SYP: variants seen among roughly 807,000 people sequenced by gnomAD.
SYP encodes the protein synaptophysin, also known as major synaptic vesicle protein P38.
SYP carries 2 observed loss-of-function variants against 24.3 expected under a neutral mutation model. The observed-to-expected ratio is 0.08, with a 90% CI of 0.03 to 0.26. SYP has a LOEUF of 0.26. SYP is among the 10% of genes least tolerant of loss of function. The probability of loss-of-function intolerance (pLI) is 1.00; values close to 1 mark genes in which losing one functional copy is unlikely to be tolerated. For missense variants in SYP, 216 were observed against 266.3 expected, an observed-to-expected ratio of 0.81 and a Z score of 1.32; for synonymous variants, 143 against 123.2, an observed-to-expected ratio of 1.16 and a Z score of -1.07.
Position 49,191,659 on chromosome X carries a change from G to T in SYP, c.720C>A (p.Pro240=). 1 of 1,205,157 alleles carries T rather than the reference G, an allele frequency of 8.3e-7. No individual in the cohort carries two copies. Among genetic ancestry groups the T allele is most frequent in the Non-Finnish European group, 1.1e-6 (1 of 892,018 alleles). ...APFLRAPPGA[P]EKQPAPGDAY... ...CGTCCCCGGGTGCCGGTTGTTTCTC[G>T]GGGGCGCCGGGAGGCGCGCGCAGGA... Residue 240 remains proline (P), a synonymous_variant, in exon 6 of 7, where the codon CCC becomes CCA. Transcript: ENST00000263233.
chrX:49,198,178 C>G, intron 2 of SYP: 3 of 284,885 alleles, frequency 1.1e-5, no homozygotes, highest in Non-Finnish European at 1.9e-5. Flanking sequence ...TCTCAGATGT[C>G]TCTTTGTCTC....
chrX:49,195,503 G>A (rs1453311752), intron 3 of SYP, among the ~76,000 whole-genome samples: 1 of 110,615 alleles, frequency 9.0e-6, no homozygotes, highest in African/African-American at 3.3e-5. Flanking sequence ...AGAGGCCAGC[G>A]ACTAGATAAC....
chrX:49,190,328 C>A (rs956692994), intron 6 of SYP, among the ~76,000 whole-genome samples: 4 of 109,184 alleles, frequency 3.7e-5, no homozygotes, highest in African/African-American at 1.0e-4. Flanking sequence ...TACAGACGTG[C>A]GCCACCATGC....
chrX:49,199,900 A>C (rs1278929128), intron 1 of SYP, among the ~76,000 whole-genome samples: 1 of 109,465 alleles, frequency 9.1e-6, no homozygotes, highest in Admixed American at 9.6e-5. Context: ...CGCGGTCGCC[A>C]GTAATAAACG....
intron 1 of SYP, among the ~76,000 whole-genome samples, chrX:49,199,835 C>T (rs988420723): frequency 1.8e-5 from 2 of 109,449 alleles, no homozygotes; most frequent in African/African-American, 6.7e-5. Context: ...CTTCCACTCT[C>T]CCCTCCCCTT....
chrX:49,197,599 G>T, intron 3 of SYP, 116 bp downstream of exon 3: 1 of 1,045,345 alleles, frequency 9.6e-7, no homozygotes, highest in Non-Finnish European at 1.3e-6. Context: ...TGATCCCAGT[G>T]GATGTAGCCT....
In SYP at chrX:49,191,480, T is replaced by C; in HGVS notation, c.899A>G (p.Tyr300Cys). 2 of 1,211,680 alleles carry C rather than the reference T, an allele frequency of 1.7e-6. No homozygotes were observed. The highest frequency in any genetic ancestry group is 2.2e-6 in the Non-Finnish European group (2 of 895,495). The change falls in exon 6 of 7, where the codon TAC becomes TGC. Residue 300 changes from tyrosine to cysteine, a missense_variant. Tyr to Cys is a radical substitution (Grantham distance 194). Around this residue, in one of 2 missense-constraint regions of SYP, gnomAD observed 114 missense variants for 107.9 expected, o/e 1.06. Coordinates refer to ENST00000263233, the MANE Select transcript of SYP (RefSeq NM_003179.3). ...GPQGDYGQQG[Y>C]GPQGAPTSFS... ...GGAGGTGGGTGCACCCTGCGGGCCG[T>C]AGCCTTGCTGCCCATAGTCGCCCTG... is the stretch of plus-strand genomic sequence containing the variant.
chrX:49,198,590 A>C (rs2065537762), intron 2 of SYP: 5 of 178,942 alleles, frequency 2.8e-5, no homozygotes, highest in East Asian at 1.0e-4. Context: ...CAGTATTTCC[A>C]TCTCTGTCTT....
chrX:49,192,266 C>T (rs782391295), intron 5 of SYP, among the ~76,000 whole-genome samples: 1 of 112,002 alleles, frequency 8.9e-6, no homozygotes, highest in Non-Finnish European at 1.9e-5. Context: ...ACGATCTCGG[C>T]TCACCACAAC....
chrX:49,195,766 G>A (rs1351924127), intron 3 of SYP, among the ~76,000 whole-genome samples: 1 of 111,931 alleles, frequency 8.9e-6, no homozygotes, highest in African/African-American at 3.3e-5. Flanking sequence ...GAAGAGGCTT[G>A]CACTTATTAG....
In SYP at chrX:49,191,231, ATTC is replaced by A. The variant is rs781959823; in HGVS notation, c.*4+199_*4+201del. The A allele has an allele frequency of 6.8e-5, 32 of 472,903 alleles. No individual in the cohort carries two copies. The South Asian group carries it at 9.6e-4, about 14-fold the overall frequency. The allele number at this position is 472,903 out of a possible 1,213,427, so 39.0% of individuals were successfully genotyped here. ...TTCATTCTGTCCATCTTGAAGCACCATTCTTCTTTTCTCCATTCATTAGCTAGT... is the reference window on the plus strand; with the variant it reads ...TTCATTCTGTCCATCTTGAAGCACCATTCTTTTCTCCATTCATTAGCTAGT... On this transcript the variant is annotated intron_variant, in intron 6 of 6. Coordinates refer to ENST00000263233, the MANE Select transcript of SYP (RefSeq NM_003179.3).
chrX:49,193,589 A>G (rs1602611194), intron 4 of SYP, 126 bp from the exon 5 acceptor site: 2 of 745,674 alleles, frequency 2.7e-6, no homozygotes, highest in African/African-American at 4.2e-5. Context: ...TCAGCTCTCA[A>G]GCCCACAACA....
In SYP at chrX:49,191,445, G is replaced by A; in HGVS notation, c.934C>T (p.Gln312Ter). Residue 312 changes from glutamine (Q) to a stop codon, truncating the protein, a stop_gained, in exon 6 of 7, where the codon CAG (glutamine) becomes TAG (stop). Transcript: ENST00000263233. LOFTEE classifies it high-confidence loss of function. ...PQGAPTSFSN[Q>*]M ...GCCGGTCACTCACCAGACTACATCT[G>A]ATTGGAGAAGGAGGTGGGTGCACCC... is the stretch of plus-strand genomic sequence containing the variant. The A allele has an allele frequency of 8.3e-7, 1 of 1,211,232 alleles. No individual in the cohort carries two copies. Among genetic ancestry groups the A allele is most frequent in the African/African-American group, 1.7e-5 (1 of 57,936 alleles).
chrX:49,191,811 C>A, intron 5 of SYP, 48 bp from the exon 6 acceptor site: 2 of 1,149,129 alleles, frequency 1.7e-6, no homozygotes, highest in Non-Finnish European at 2.3e-6. Flanking sequence ...ATTGCCTTGG[C>A]GGCCCTGCGT....
At chrX:49,199,526 TG>T (rs1341274554) in intron 1 of SYP, among the ~76,000 whole-genome samples, 1 of 84,533 alleles carries the variant, frequency 1.2e-5, no homozygotes, top group Non-Finnish European at 2.3e-5. Flanking sequence ...TGGGACTGAT[TG>T]GGGGTGAGTT....
chrX:49,194,347 T>C lies in SYP; in HGVS notation c.242A>G (p.Tyr81Cys). The C allele has an allele frequency of 8.3e-7, 1 of 1,210,865 alleles. No homozygotes were observed. The highest frequency in any genetic ancestry group is 1.1e-6 in the Non-Finnish European group (1 of 895,296). ...CCCTCGGCAGGTGGGTGCATCAAAG[T>C]ACACTTGGTGCAGCCTGCAAACAGA... ...FEYPFRLHQV[Y>C]FDAPTCRGGT... The change falls in exon 4 of 7, where the codon TAC becomes TGC. Residue 81 changes from tyrosine (Y) to cysteine (C), a missense_variant. By Grantham distance (194) the Tyr-to-Cys change is radical (BLOSUM62 -2). This residue lies in a region of SYP where 102 missense variants were observed against 158.4 expected (regional missense o/e 0.64). Coordinates refer to ENST00000263233, the MANE Select transcript of SYP (RefSeq NM_003179.3).
At chrX:49,198,893 C>T (rs1569527000) in intron 2 of SYP, 75 bp downstream of exon 2, 2 of 1,123,722 alleles carry the variant, frequency 1.8e-6, no homozygotes, top group African/African-American at 1.8e-5. Context: ...CGCCCCTACT[C>T]CACCCCTGCT....
chrX:49,194,172 G>A lies in SYP; in HGVS notation c.417C>T (p.Pro139=). 8.3e-7 allele frequency: 1 copy of A among 1,211,275 alleles called. No homozygotes were observed. The highest frequency in any genetic ancestry group is 1.1e-6 in the Non-Finnish European group (1 of 895,363). The part of the protein sequence containing the change: ...QNKYRENNKG[P]MLDFLATAVF... ...AGTGGCTGTGGGGACTCACCAGCAT[G>A]GGCCCTTTGTTATTCTCTCGGTACT... The change falls in exon 4 of 7, where the codon CCC becomes CCT. Residue 139 remains proline (P), a synonymous_variant. Coordinates refer to ENST00000263233, the MANE Select transcript of SYP (RefSeq NM_003179.3).
chrX:49,191,788 T>C, intron 5 of SYP, 25 bp from the exon 6 acceptor site: 2 of 1,185,367 alleles, frequency 1.7e-6, no homozygotes, highest in Non-Finnish European at 2.3e-6. Context: ...GGCTCGGCTG[T>C]GGTACCCCGC....
Sources: gnomAD v4.1 joint callset for allele counts (sites outside exome capture counted in the v4.1 genomes callset) on GRCh38, gnomAD v4.1.1 for gene constraint, gnomAD v4.1.1 regional missense constraint, MANE v1.5 for transcripts, NCBI Gene and HGNC (gene_info 2026-07-23, HGNC 2026-07-21) for gene names.